ATP8B4: variants seen among roughly 807,000 people sequenced by gnomAD.
ATP8B4 encodes probable phospholipid-transporting ATPase IM.
ATP8B4 carries 133 observed loss-of-function variants against 145.6 expected under a neutral mutation model. The ratio of observed to expected loss-of-function variants is 0.91; its 90% confidence interval spans 0.79 to 1.05. The LOEUF is 1.05. Ranked by LOEUF, ATP8B4 falls within the 50% of genes least tolerant of loss-of-function variation. The probability of loss-of-function intolerance (pLI) is 0.00; values close to 1 mark genes in which losing one functional copy is unlikely to be tolerated. For synonymous variants in ATP8B4, 507 were observed against 492.9 expected, an observed-to-expected ratio of 1.03 and a Z score of -0.38; for missense variants, 1,458 against 1,425.2, an observed-to-expected ratio of 1.02 and a Z score of -0.37.
At chr15:50,006,758 A>G (rs1488683335) in intron 7 of ATP8B4, among the ~76,000 whole-genome samples, 3 of 152,206 alleles carry the variant, frequency 2.0e-5, no homozygotes, top group Non-Finnish European at 4.4e-5. Flanking sequence ...CAAACAAGCT[A>G]AACAACTCAA....
chr15:49,890,166 G>A (rs963156544), intron 23 of ATP8B4, among the ~76,000 whole-genome samples: 1 of 152,204 alleles, frequency 6.6e-6, no homozygotes, highest in African/African-American at 2.4e-5. Flanking sequence ...CAGAGCACCT[G>A]GCCCTAAATT....
intron 6 of ATP8B4, among the ~76,000 whole-genome samples, chr15:50,034,898 A>G (rs542993008): frequency 3.3e-5 from 5 of 152,312 alleles, no homozygotes; most frequent in African/African-American, 9.6e-5. Context: ...GAAACATTTA[A>G]GTATGTATTG....
chr15:49,902,499 G>A (rs936466562), intron 20 of ATP8B4, among the ~76,000 whole-genome samples: 3 of 152,160 alleles, frequency 2.0e-5, no homozygotes, highest in Non-Finnish European at 4.4e-5. Flanking sequence ...TGCTGTCCAA[G>A]ACCAAAATCA....
At chr15:49,911,911 T>C (rs1315677256) in intron 20 of ATP8B4, among the ~76,000 whole-genome samples, 1 of 151,876 alleles carries the variant, frequency 6.6e-6, no homozygotes, top group Non-Finnish European at 1.5e-5. Context: ...TACATGAAAA[T>C]TAAACATGTT....
intron 18 of ATP8B4, 50 bp from the exon 19 acceptor site, chr15:49,919,000 C>CCATAGATGT: frequency 1.5e-6 from 2 of 1,295,742 alleles, no homozygotes; most frequent in African/African-American, 1.5e-5. Context: ...CAAACAATAT[C>CCATAGATGT]TATAACATCT....
intron 6 of ATP8B4, among the ~76,000 whole-genome samples, chr15:50,027,919 A>T (rs750158287): frequency 6.6e-6 from 1 of 152,230 alleles, no homozygotes; most frequent in Non-Finnish European, 1.5e-5. Flanking sequence ...TTTCACTTGA[A>T]GTCACAGTTT....
intron 12 of ATP8B4, among the ~76,000 whole-genome samples, chr15:49,974,551 T>G (rs1356419927): frequency 6.6e-6 from 1 of 152,056 alleles, no homozygotes; most frequent in Non-Finnish European, 1.5e-5. Flanking sequence ...TGTTTCCAGT[T>G]TTTCAATATG....
At chr15:50,148,879 T>G (rs2044311588) in intron 1 of ATP8B4, among the ~76,000 whole-genome samples, 1 of 152,244 alleles carries the variant, frequency 6.6e-6, no homozygotes, top group Non-Finnish European at 1.5e-5. Flanking sequence ...TTCTCTTGTT[T>G]TAAGTGATAC....
At position 49,866,228 on chromosome 15, in the gene ATP8B4, C is replaced by T. The variant is rs115142156; in HGVS notation, c.3166+118G>A. On this transcript the variant is annotated intron_variant, in intron 26 of 27. Coordinates refer to ENST00000284509, the MANE Select transcript of ATP8B4 (RefSeq NM_024837.4). ...GAAGCCTTCAGATGCCTGGCTCAAA[C>T]AATTTCTGGACAAAGGATCACTAAT... is the stretch of plus-strand genomic sequence containing the variant. The T allele has an allele frequency of 7.2e-4, 1,008 of 1,403,568 alleles. 9 individuals carry two copies. The African/African-American group carries it at 0.014, about 19-fold the overall frequency. 86.9% of individuals were successfully genotyped at this position (1,403,568 alleles called of 1,614,324 possible). A position where few individuals can be genotyped will look rare whatever the true frequency, so the allele number is the denominator to read the frequency against.
chr15:50,176,004 A>G (rs1364182839), intron 1 of ATP8B4, among the ~76,000 whole-genome samples: 1 of 152,030 alleles, frequency 6.6e-6, no homozygotes, highest in African/African-American at 2.4e-5. Flanking sequence ...TAGTGTGTAC[A>G]TATGTATCGC....
chr15:50,067,296 G>C (rs2053447980), intron 3 of ATP8B4, among the ~76,000 whole-genome samples: 1 of 152,058 alleles, frequency 6.6e-6, no homozygotes. Flanking sequence ...TGATTCCCCA[G>C]CTCCTGACAG....
intron 20 of ATP8B4, among the ~76,000 whole-genome samples, chr15:49,910,367 A>T (rs2039102742): frequency 6.6e-6 from 1 of 152,244 alleles, no homozygotes; most frequent in African/African-American, 2.4e-5. Context: ...AAGCAACCAC[A>T]TATCTGAATT....
intron 13 of ATP8B4, among the ~76,000 whole-genome samples, chr15:49,969,794 C>A (rs981783637): frequency 1.3e-5 from 2 of 152,130 alleles, no homozygotes; most frequent in African/African-American, 4.8e-5. Flanking sequence ...CATCCTGATA[C>A]CAAAACTGGG....
intron 1 of ATP8B4, among the ~76,000 whole-genome samples, chr15:50,147,151 C>T (rs189747680): frequency 1.5e-3 from 229 of 152,268 alleles, no homozygotes; most frequent in Non-Finnish European, 2.5e-3. Flanking sequence ...CACGGTGGCT[C>T]ACGCCTGTAA....
chr15:50,016,776 G>A (rs2049123284), intron 6 of ATP8B4, among the ~76,000 whole-genome samples: 2 of 152,152 alleles, frequency 1.3e-5, no homozygotes, highest in African/African-American at 4.8e-5. Flanking sequence ...GGTTATATGT[G>A]GGCAGCACTC....
intron 2 of ATP8B4, among the ~76,000 whole-genome samples, chr15:50,106,205 C>G (rs1304722902): frequency 6.6e-6 from 1 of 152,160 alleles, no homozygotes; most frequent in Non-Finnish European, 1.5e-5. Flanking sequence ...AGCCTTTAGT[C>G]TCTAAAGAGT....
chr15:49,966,684 C>G (rs549996930), intron 13 of ATP8B4, among the ~76,000 whole-genome samples: 1 of 152,136 alleles, frequency 6.6e-6, no homozygotes, highest in African/African-American at 2.4e-5. Context: ...GGTGGCTGTG[C>G]GCGCAGCGTC....
rs2153388211 is a variant in ATP8B4 at position 49,872,787 on chromosome 15, TG to T, written c.3027+3490del. ...GACCACTAAATTCAATGTGGGATCCTGGATTGGATCCTGGATTGGATCCTAG... is the reference window on the plus strand; with the variant it reads ...GACCACTAAATTCAATGTGGGATCCTGATTGGATCCTGGATTGGATCCTAG... On this transcript the variant is annotated intron_variant, in intron 25 of 27. Coordinates refer to ENST00000284509, the MANE Select transcript of ATP8B4 (RefSeq NM_024837.4). Among the ~76,000 whole-genome samples the T allele has an allele frequency of 5.9e-5, 5 of 84,958 alleles. 1 individual carries two copies. In the South Asian group the frequency reaches 1.6e-3, roughly 26 times the overall value. The allele number at this position is 84,958 out of a possible 152,430, so 55.7% of individuals were successfully genotyped here.
chr15:50,076,121 T>G (rs1057203983), intron 2 of ATP8B4, among the ~76,000 whole-genome samples: 1 of 152,154 alleles, frequency 6.6e-6, no homozygotes, highest in Admixed American at 6.6e-5. Context: ...ATGAAGCACA[T>G]CCAAGAGTAG....
Sources: allele counts gnomAD v4.1 joint callset (sites outside exome capture counted in the v4.1 genomes callset), GRCh38; gene constraint gnomAD v4.1.1; transcripts MANE v1.5; gene names NCBI Gene and HGNC (gene_info 2026-07-23, HGNC 2026-07-21).